CSMD2: variants seen among roughly 807,000 people sequenced by gnomAD.
CSMD2 encodes CUB and Sushi multiple domains 2.
CSMD2 carries 130 observed loss-of-function variants against 398.5 expected under a neutral mutation model. That is an observed-to-expected ratio of 0.33 (90% CI 0.28 to 0.38). CSMD2 has a LOEUF of 0.38. CSMD2 is among the 10% of genes least tolerant of loss of function. The pLI, the probability that CSMD2 is intolerant of heterozygous loss-of-function variation, is 1.00. For synonymous variants in CSMD2, 1,828 were observed against 1,908.5 expected (o/e 0.96, Z 1.10); for missense variants, 3,829 against 4,764.9 (o/e 0.80, Z 5.78).
chr1:34,139,312 A>G (rs1313215992), intron 1 of CSMD2, among the ~76,000 whole-genome samples: 1 of 152,144 alleles, frequency 6.6e-6, no homozygotes, highest in Non-Finnish European at 1.5e-5. Flanking sequence ...TGGCACACTC[A>G]GCCCCCCTCA....
At chr1:33,644,261 T>G (rs1643288169) in intron 29 of CSMD2, among the ~76,000 whole-genome samples, 1 of 152,136 alleles carries the variant, frequency 6.6e-6, no homozygotes, top group African/African-American at 2.4e-5. Context: ...GACCATGAAT[T>G]TCCTTGGAGA....
Position 33,624,694 on chromosome 1 carries a change from C to T in CSMD2, c.5501-51G>A. On this transcript the variant is annotated intron_variant, in intron 34 of 70. Coordinates refer to ENST00000373381, the MANE Select transcript of CSMD2 (RefSeq NM_001281956.2). This position sits in a 1 kb window ranked among gnomAD's most constrained non-coding sequence, Gnocchi z 4.7. The stretch of plus-strand genomic sequence containing the variant: ...AGGCTTTGTGGCCTCCCGTGGGAGC[C>T]TTCCCAAGCTGACTCCTCCCTCATG... 6.3e-7 allele frequency: 1 copy of T among 1,582,500 alleles called. No individual in the cohort carries two copies. Among genetic ancestry groups the T allele is most frequent in the Non-Finnish European group, 8.6e-7 (1 of 1,159,586 alleles).
intron 5 of CSMD2, among the ~76,000 whole-genome samples, chr1:33,917,235 A>C (rs1342734556): frequency 2.6e-5 from 4 of 152,182 alleles, no homozygotes; most frequent in African/African-American, 9.7e-5. Context: ...TTCACCTGAC[A>C]CTATGCAGCA....
chr1:34,074,514 G>A (rs554096459), intron 2 of CSMD2, among the ~76,000 whole-genome samples: 12 of 152,156 alleles, frequency 7.9e-5, no homozygotes, highest in South Asian at 2.1e-4. Context: ...TTCTTGGCTC[G>A]AAACACTCTC....
At chr1:34,042,998 T>A (rs1008893074) in intron 2 of CSMD2, among the ~76,000 whole-genome samples, 2 of 151,930 alleles carry the variant, frequency 1.3e-5, no homozygotes, top group Non-Finnish European at 2.9e-5. Flanking sequence ...ACCATGTTAG[T>A]CAGGATGGTC....
intron 28 of CSMD2, among the ~76,000 whole-genome samples, chr1:33,648,165 A>T (rs746587673): frequency 6.6e-6 from 1 of 152,128 alleles, no homozygotes; most frequent in Non-Finnish European, 1.5e-5. Context: ...GATCGAGACC[A>T]TCCTGACTAA....
intron 54 of CSMD2, among the ~76,000 whole-genome samples, chr1:33,558,257 A>G (rs1658224483): frequency 6.6e-6 from 1 of 152,208 alleles, no homozygotes. Context: ...TAGTCTCCAT[A>G]TATCTGATCG....
At chr1:33,631,656 T>C (rs6425834) in intron 32 of CSMD2, among the ~76,000 whole-genome samples, 5,914 of 152,154 alleles carry the variant, frequency 0.039, 363 homozygotes, top group African/African-American at 0.13. Context: ...CAATGAATAC[T>C]GCCTAAATAA....
intron 25 of CSMD2, among the ~76,000 whole-genome samples, chr1:33,682,554 C>T (rs985959527): frequency 6.6e-6 from 1 of 152,180 alleles, no homozygotes; most frequent in African/African-American, 2.4e-5. Context: ...AATAGCACCA[C>T]TGACTTTGGA....
At position 33,969,541 on chromosome 1, in the gene CSMD2, A is replaced by G. The variant is rs184419792; in HGVS notation, c.518-33587T>C. 3.7e-4 allele frequency among the ~76,000 whole-genome samples: 56 copies of G among 152,358 alleles called. 1 individual carries two copies. Among genetic ancestry groups the G allele is most frequent in the African/African-American group, 1.3e-3 (54 of 41,582 alleles). On this transcript the variant is annotated intron_variant, in intron 3 of 70. Transcript: ENST00000373381. Reference sequence around the variant, plus strand: ...ACTATGCTAAGTGATTTATAATACTATCTCATTGGACCCTACCTGCAGCCT... The same window carrying G: ...ACTATGCTAAGTGATTTATAATACTGTCTCATTGGACCCTACCTGCAGCCT...
At position 33,605,447 on chromosome 1, in the gene CSMD2, C is replaced by G. The variant is rs1260725639; in HGVS notation, c.6367G>C (p.Asp2123His). 3 of 1,614,056 alleles carry G rather than the reference C, an allele frequency of 1.9e-6. No individual in the cohort carries two copies. In the African/African-American group the frequency reaches 4.0e-5, roughly 22 times the overall value. The change falls in exon 42 of 71, where the codon GAC becomes CAC. Residue 2123 changes from aspartate (D) to histidine (H), a missense_variant. Asp to His is a moderately conservative substitution (Grantham distance 81). Coordinates refer to ENST00000373381, the MANE Select transcript of CSMD2 (RefSeq NM_001281956.2). ...ATGCCATTGGCAAAGGGCTCTGGGT[C>G]TGGGCACTCTTGAAGTTCATAGGCT... ...YQAYELQECP[D>H]PEPFANGIVR... is the part of the protein sequence containing the mutation.
At chr1:34,042,342 T>C (rs1349504554) in intron 2 of CSMD2, among the ~76,000 whole-genome samples, 2 of 152,244 alleles carry the variant, frequency 1.3e-5, no homozygotes, top group African/African-American at 2.4e-5. Flanking sequence ...TACTCTTTTA[T>C]TCCCAAGGTC....
intron 57 of CSMD2, 88 bp downstream of exon 57, chr1:33,545,949 G>C (rs1656836428): frequency 7.6e-7 from 1 of 1,316,754 alleles, no homozygotes; most frequent in East Asian, 2.4e-5. Flanking sequence ...TTTTTTCTGT[G>C]AGCGCAGGTG....
intron 1 of CSMD2, among the ~76,000 whole-genome samples, chr1:34,108,272 TGA>T (rs71774843): frequency 0.42 from 63,067 of 151,182 alleles, 13,650 homozygotes; most frequent in East Asian, 0.68. Flanking sequence ...AAAACCCTAA[TGA>T]GAGAGAGAGA....
chr1:33,998,976 T>A (rs1646812154), intron 3 of CSMD2, among the ~76,000 whole-genome samples: 1 of 152,198 alleles, frequency 6.6e-6, no homozygotes, highest in African/African-American at 2.4e-5. Context: ...GCTCCCGGAT[T>A]CTGTCCTTAA....
chr1:34,013,915 C>T (rs2148078314), intron 3 of CSMD2, among the ~76,000 whole-genome samples: 1 of 152,284 alleles, frequency 6.6e-6, no homozygotes, highest in East Asian at 1.9e-4. Context: ...ATATTCCTGG[C>T]AGGCTTCTCA....
chr1:33,566,651 A>G (rs1167681108), intron 53 of CSMD2, among the ~76,000 whole-genome samples: 1 of 152,182 alleles, frequency 6.6e-6, no homozygotes, highest in East Asian at 1.9e-4. Flanking sequence ...CCTAATATCA[A>G]GCAAAGTACA....
At chr1:33,860,236 C>T (rs981542124) in intron 5 of CSMD2, among the ~76,000 whole-genome samples, 2 of 152,222 alleles carry the variant, frequency 1.3e-5, no homozygotes, top group African/African-American at 4.8e-5. Context: ...CAATCTGCAT[C>T]AGTTTCTTAG....
chr1:34,094,702 G>A (rs890947765), intron 1 of CSMD2, among the ~76,000 whole-genome samples: 3 of 152,332 alleles, frequency 2.0e-5, no homozygotes, highest in Non-Finnish European at 4.4e-5. Flanking sequence ...TCAACAAGAA[G>A]AGCTAACTAT....
Sources: gnomAD v4.1 joint callset for allele counts (sites outside exome capture counted in the v4.1 genomes callset) on GRCh38, gnomAD v4.1.1 for gene constraint, Gnocchi (gnomAD v3.1) non-coding constraint, MANE v1.5 for transcripts, NCBI Gene and HGNC (gene_info 2026-07-23, HGNC 2026-07-21) for gene names.